MGRN1: variants seen among roughly 807,000 people sequenced by gnomAD.
MGRN1 encodes E3 ubiquitin-protein ligase MGRN1.
In MGRN1, 29 loss-of-function variants were observed where a neutral mutation model predicts 69.2. The observed-to-expected ratio is 0.42, with a 90% confidence interval of 0.31 to 0.57. The LOEUF (loss-of-function observed/expected upper bound fraction) is 0.57. Ranked by LOEUF, MGRN1 falls within the 20% of genes least tolerant of loss-of-function variation. MGRN1 has a pLI of 0.15. For missense variants in MGRN1, 998 were observed against 796.2 expected (o/e 1.25, Z -3.05); for synonymous variants, 470 against 344.2 (o/e 1.37, Z -4.04).
rs945654704 is a variant in MGRN1 at position 4,689,110 on chromosome 16, A to G, written c.*202A>G. 2 of 668,406 alleles carry G rather than the reference A, an allele frequency of 3.0e-6. No homozygotes were observed. Among genetic ancestry groups the G allele is most frequent in the Non-Finnish European group, 4.7e-6 (2 of 427,436 alleles). The allele number at this position is 668,406 out of a possible 1,614,324, so 41.4% of individuals were successfully genotyped here. A position where few individuals can be genotyped will look rare whatever the true frequency, so the allele number is the denominator to read the frequency against. Reference sequence around the variant, plus strand: ...CCTTTTCTACAGTTGATATATTTGTAACTGGTACAAGATGAAGGACAGCAG... The same window carrying G: ...CCTTTTCTACAGTTGATATATTTGTGACTGGTACAAGATGAAGGACAGCAG... On this transcript the variant is annotated 3_prime_UTR_variant, in exon 17 of 17. Transcript: ENST00000262370.
At chr16:4,675,513 A>G (rs1332158663) in intron 10 of MGRN1, among the ~76,000 whole-genome samples, 2 of 152,104 alleles carry the variant, frequency 1.3e-5, no homozygotes, top group African/African-American at 4.8e-5. Context: ...TCAAGGCAGG[A>G]GGATCGCTTG....
intron 1 of MGRN1, among the ~76,000 whole-genome samples, chr16:4,638,695 T>G (rs950701799): frequency 2.0e-5 from 3 of 152,120 alleles, no homozygotes; most frequent in African/African-American, 7.2e-5. Context: ...CACCTGGGGT[T>G]TATTGGCAAT....
At chr16:4,686,435 C>G in intron 16 of MGRN1, 1 of 1,426,168 alleles carries the variant, frequency 7.0e-7, no homozygotes, top group Non-Finnish European at 9.1e-7. Context: ...TCCCAGGGGC[C>G]CTGGATTCCG....
intron 8 of MGRN1, among the ~76,000 whole-genome samples, 190 bp downstream of exon 8, chr16:4,668,502 CACACATATATAG>C (rs1465300179): frequency 1.3e-5 from 2 of 152,026 alleles, no homozygotes; most frequent in Non-Finnish European, 2.9e-5. Context: ...CACTCACATT[CACACATATATAG>C]ACACATAAAC....
intron 10 of MGRN1, among the ~76,000 whole-genome samples, chr16:4,675,595 A>G (rs949578223): frequency 1.3e-5 from 2 of 152,084 alleles, no homozygotes; most frequent in Admixed American, 6.6e-5. Flanking sequence ...AAAGTTAGCC[A>G]GATGTGTTGG....
At chr16:4,627,805 G>T (rs1897761220) in intron 1 of MGRN1, among the ~76,000 whole-genome samples, 1 of 146,134 alleles carries the variant, frequency 6.8e-6, no homozygotes, top group South Asian at 2.2e-4. Context: ...AAAAGGCTGG[G>T]CGCGGTGGTT....
At chr16:4,677,430 C>T (rs1354265875) in intron 10 of MGRN1, 33 bp from the exon 11 acceptor site, 3 of 1,502,048 alleles carry the variant, frequency 2.0e-6, no homozygotes. Context: ...GGTGTGTCGC[C>T]TGGGCCTGAT....
intron 8 of MGRN1, chr16:4,669,003 CACAT>C (rs200723547): frequency 0.018 from 2,380 of 129,528 alleles, 35 homozygotes; most frequent in Middle Eastern, 0.078. Context: ...CGCATACACT[CACAT>C]AGACACACAC....
intron 4 of MGRN1, 44 bp from the exon 5 acceptor site, chr16:4,657,202 C>T (rs936021761): frequency 6.3e-7 from 1 of 1,582,060 alleles, no homozygotes; most frequent in South Asian, 1.1e-5. Flanking sequence ...ACGGAGGGCC[C>T]TCTTCCTGCC....
chr16:4,664,587 C>A, intron 5 of MGRN1, 122 bp from the exon 6 acceptor site: 2 of 994,636 alleles, frequency 2.0e-6, no homozygotes, highest in Non-Finnish European at 3.2e-6. Context: ...CGAGGCGTGT[C>A]CTCTGAGCTC....
chr16:4,675,731 T>G (rs1340367790), intron 10 of MGRN1, among the ~76,000 whole-genome samples: 1 of 149,726 alleles, frequency 6.7e-6, no homozygotes. Flanking sequence ...AAGACCCTGT[T>G]TCAAAAAAAA....
intron 1 of MGRN1, among the ~76,000 whole-genome samples, chr16:4,630,362 A>AC (rs1297718412): frequency 2.0e-5 from 3 of 151,768 alleles, no homozygotes; most frequent in African/African-American, 7.3e-5. Flanking sequence ...CTCAAAAAAA[A>AC]AAAAACAAAT....
At chr16:4,639,268 G>A (rs2078105097) in intron 1 of MGRN1, among the ~76,000 whole-genome samples, 1 of 152,186 alleles carries the variant, frequency 6.6e-6, no homozygotes, top group Non-Finnish European at 1.5e-5. Flanking sequence ...GTGACACTAT[G>A]AGGAGAATGG....
At chr16:4,663,761 A>G (rs1039653071) in intron 5 of MGRN1, among the ~76,000 whole-genome samples, 1 of 152,144 alleles carries the variant, frequency 6.6e-6, no homozygotes, top group Non-Finnish European at 1.5e-5. Flanking sequence ...GTAGGGCGAG[A>G]CCCACAGAGC....
At chr16:4,679,944 C>T in intron 11 of MGRN1, 88 bp from the exon 12 acceptor site, 1 of 1,262,114 alleles carries the variant, frequency 7.9e-7, no homozygotes, top group Non-Finnish European at 1.1e-6. Flanking sequence ...CACGGTGTGG[C>T]AAGAGGACAG....
At chr16:4,685,196 T>C (rs1218341443) in intron 16 of MGRN1, among the ~76,000 whole-genome samples, 1 of 152,178 alleles carries the variant, frequency 6.6e-6, no homozygotes, top group African/African-American at 2.4e-5. Context: ...TTCATTCTGA[T>C]TAAAAACTTG....
intron 2 of MGRN1, among the ~76,000 whole-genome samples, 198 bp from the exon 3 acceptor site, chr16:4,651,765 G>A (rs184771843): frequency 1.2e-4 from 18 of 152,226 alleles, no homozygotes; most frequent in African/African-American, 4.3e-4. Flanking sequence ...GGGTGATTTG[G>A]TCCTGGCCGT....
At chr16:4,677,685 G>T in intron 11 of MGRN1, 113 bp downstream of exon 11, 1 of 988,682 alleles carries the variant, frequency 1.0e-6, no homozygotes, top group South Asian at 1.5e-5. Context: ...CTGTCCAGTG[G>T]GCAGGCATGG....
chr16:4,657,154 C>A, intron 4 of MGRN1, 92 bp from the exon 5 acceptor site: 1 of 1,219,594 alleles, frequency 8.2e-7, no homozygotes, highest in Middle Eastern at 2.3e-4. Flanking sequence ...AGACAGGTGT[C>A]TGCGGCCCTT....
Sources: allele counts gnomAD v4.1 joint callset (sites outside exome capture counted in the v4.1 genomes callset), GRCh38; gene constraint gnomAD v4.1.1; transcripts MANE v1.5; gene names NCBI Gene and HGNC (gene_info 2026-07-23, HGNC 2026-07-21).